The following CDH7 variants were observed in gnomAD, a reference collection of about 807,000 sequenced individuals.
The protein encoded by CDH7 is cadherin-7.
CDH7 carries 25 observed loss-of-function variants against 71.8 expected under a neutral mutation model. That is an observed-to-expected ratio of 0.35 (90% CI 0.25 to 0.49). The LOEUF is 0.49. Among genes scored for constraint, CDH7 ranks in the 20% least tolerant of loss-of-function variants. The pLI is 0.99. For synonymous variants in CDH7, 381 were observed against 363.8 expected (o/e 1.05, Z -0.54); for missense variants, 862 against 974.6 (o/e 0.88, Z 1.54).
chr18:65,796,856 T>C (rs1910934770), intron 2 of CDH7, among the ~76,000 whole-genome samples: 1 of 152,182 alleles, frequency 6.6e-6, no homozygotes, highest in Non-Finnish European at 1.5e-5. Context: ...TAATCGAATA[T>C]ACTTCTATAT....
At chr18:65,880,361 G>A (rs750447084) in intron 11 of CDH7, 40 bp from the exon 12 acceptor site, 1 of 1,513,004 alleles carries the variant, frequency 6.6e-7, no homozygotes, top group Non-Finnish European at 8.8e-7. Context: ...GGCAATGGGT[G>A]AGTTTACTGA....
intron 6 of CDH7, among the ~76,000 whole-genome samples, chr18:65,837,918 A>C (rs1235946003): frequency 1.5e-5 from 2 of 130,546 alleles, no homozygotes; most frequent in Non-Finnish European, 3.1e-5. Flanking sequence ...TTAGAGATTT[A>C]GAGTAATTTT....
At chr18:65,812,201 T>A (rs1911568846) in intron 3 of CDH7, among the ~76,000 whole-genome samples, 1 of 152,074 alleles carries the variant, frequency 6.6e-6, no homozygotes, top group South Asian at 2.1e-4. Flanking sequence ...TCTCTTGACC[T>A]TGTGATCTGC....
Position 65,818,433 on chromosome 18 carries a change from A to G in CDH7, c.626-3648A>G, listed in dbSNP as rs553958104. Among the ~76,000 whole-genome samples, 16 of 152,274 alleles carry G rather than the reference A, an allele frequency of 1.1e-4. No individual in the cohort carries two copies. The South Asian group carries it at 2.3e-3, about 22-fold the overall frequency. ...CCAGTCAGAATGTGCATGGGGGAGT[A>G]CTTCTCACCTATAACATAACAGGTG... On this transcript the variant is annotated intron_variant, in intron 4 of 11. Transcript: ENST00000397968.
At chr18:65,818,573 T>C (rs1449298794) in intron 4 of CDH7, among the ~76,000 whole-genome samples, 1 of 152,214 alleles carries the variant, frequency 6.6e-6, no homozygotes, top group Non-Finnish European at 1.5e-5. Flanking sequence ...CACTCATTGA[T>C]ATAATGTAAA....
chr18:65,880,250 C>A, intron 11 of CDH7, 151 bp from the exon 12 acceptor site: 1 of 725,948 alleles, frequency 1.4e-6, no homozygotes, highest in Non-Finnish European at 2.1e-6. Context: ...AGCACATCTA[C>A]CGCTGTGAAT....
At chr18:65,804,278 A>G (rs1001181061) in intron 2 of CDH7, among the ~76,000 whole-genome samples, 8 of 152,276 alleles carry the variant, frequency 5.3e-5, no homozygotes, top group Non-Finnish European at 1.0e-4. Context: ...GGTCACAATT[A>G]TGCAAGTTCA....
intron 2 of CDH7, among the ~76,000 whole-genome samples, chr18:65,773,406 A>G (rs941294321): frequency 5.9e-5 from 9 of 152,028 alleles, no homozygotes; most frequent in Non-Finnish European, 1.3e-4. Flanking sequence ...TTTGAAACTC[A>G]TTTACTTTAG....
intron 4 of CDH7, among the ~76,000 whole-genome samples, chr18:65,816,822 C>T (rs995684584): frequency 1.6e-4 from 24 of 151,668 alleles, no homozygotes; most frequent in African/African-American, 5.9e-4. Context: ...GCAACATTCC[C>T]TTGAAACTTC....
chr18:65,781,051 G>A (rs916437984), intron 2 of CDH7, among the ~76,000 whole-genome samples: 3 of 150,970 alleles, frequency 2.0e-5, no homozygotes, highest in African/African-American at 7.3e-5. Flanking sequence ...CTCTTCGGAA[G>A]TCAATGCAGC....
At chr18:65,781,770 C>CTTTCCTTT (rs879658195) in intron 2 of CDH7, among the ~76,000 whole-genome samples, 1 of 79,044 alleles carries the variant, frequency 1.3e-5, no homozygotes, top group African/African-American at 5.7e-5. Context: ...TTCTTTCTTT[C>CTTTCCTTT]CTTCCTTCCT....
In CDH7 at chr18:65,843,800, C is replaced by A; in HGVS notation, c.982-12C>A. On this transcript the variant is annotated splice_polypyrimidine_tract_variant and intron_variant, in intron 6 of 11. Coordinates refer to ENST00000397968, the MANE Select transcript of CDH7 (RefSeq NM_004361.5). ...ACCGGTAATTTAATTTTCCTAACGACTTTCTTTACAGGAGCTGGATTTTGA... is the reference window on the plus strand; with the variant it reads ...ACCGGTAATTTAATTTTCCTAACGAATTTCTTTACAGGAGCTGGATTTTGA... 2 of 1,481,532 alleles carry A rather than the reference C, an allele frequency of 1.3e-6. No homozygotes were observed. Among genetic ancestry groups the A allele is most frequent in the Non-Finnish European group, 1.8e-6 (2 of 1,112,236 alleles). 91.8% of individuals were successfully genotyped at this position (1,481,532 alleles called of 1,614,324 possible).
At chr18:65,789,230 G>C (rs1322041363) in intron 2 of CDH7, among the ~76,000 whole-genome samples, 1 of 152,096 alleles carries the variant, frequency 6.6e-6, no homozygotes, top group African/African-American at 2.4e-5. Flanking sequence ...TTAAAGAGGA[G>C]GTAATATTTC....
rs200990200 is a variant in CDH7 at position 65,782,012 on chromosome 18, TTC to T, written c.210+18970_210+18971del. Among the ~76,000 whole-genome samples the T allele has an allele frequency of 4.0e-4, 29 of 72,882 alleles. 3 individuals carry two copies. The highest frequency in any genetic ancestry group is 1.0e-3 in the South Asian group (2 of 1,970). The allele number at this position is 72,882 out of a possible 152,430, so 47.8% of individuals were successfully genotyped here. On this transcript the variant is annotated intron_variant, in intron 2 of 11. Transcript: ENST00000397968. ...TTTCTCTCTTTCTCTCTTTCTCTCT[TTC>T]TCTCTCTCTTTCTCCCTTCCTTCCT...
At chr18:65,872,623 C>G (rs1383467378) in intron 11 of CDH7, among the ~76,000 whole-genome samples, 1 of 152,062 alleles carries the variant, frequency 6.6e-6, no homozygotes, top group Non-Finnish European at 1.5e-5. Context: ...AAGCTGGGAG[C>G]AATGACTCAT....
intron 4 of CDH7, among the ~76,000 whole-genome samples, chr18:65,820,924 T>C (rs1911901207): frequency 6.6e-6 from 1 of 152,020 alleles, no homozygotes; most frequent in Non-Finnish European, 1.5e-5. Flanking sequence ...ATACTGATAT[T>C]AGAAGGAAAA....
chr18:65,845,876 T>C (rs952596101), intron 7 of CDH7, among the ~76,000 whole-genome samples: 1 of 151,942 alleles, frequency 6.6e-6, no homozygotes, highest in Admixed American at 6.6e-5. Flanking sequence ...TGAGCTACAA[T>C]TGCACTTGTA....
intron 6 of CDH7, among the ~76,000 whole-genome samples, chr18:65,841,942 T>C (rs1023629759): frequency 6.6e-6 from 1 of 152,162 alleles, no homozygotes; most frequent in Non-Finnish European, 1.5e-5. Flanking sequence ...GTTAATACAA[T>C]GTTGTCATGG....
intron 6 of CDH7, among the ~76,000 whole-genome samples, chr18:65,830,801 A>T (rs1912324402): frequency 8.1e-6 from 1 of 124,094 alleles, no homozygotes; most frequent in African/African-American, 3.2e-5. Flanking sequence ...AGGTCATTTT[A>T]AGTTTTTTTC....
Sources: gnomAD v4.1 joint callset for allele counts (sites outside exome capture counted in the v4.1 genomes callset) on GRCh38, gnomAD v4.1.1 for gene constraint, MANE v1.5 for transcripts, NCBI Gene and HGNC (gene_info 2026-07-23, HGNC 2026-07-21) for gene names.